The following EXT2 variants were observed in gnomAD, a reference collection of about 807,000 sequenced individuals.
EXT2 encodes the protein exostosin-2.
EXT2 carries 53 observed loss-of-function variants against 81.6 expected under a neutral mutation model. The ratio of observed to expected loss-of-function variants is 0.65; its 90% CI spans 0.52 to 0.82. The LOEUF (loss-of-function observed/expected upper bound fraction) is 0.82. Among genes scored for constraint, EXT2 ranks in the 40% least tolerant of loss-of-function variants. EXT2 has a pLI of 0.00. For synonymous variants in EXT2, 320 were observed against 340.0 expected, an observed-to-expected ratio of 0.94 and a Z score of 0.65; for missense variants, 774 against 910.2, an observed-to-expected ratio of 0.85 and a Z score of 1.93.
intron 5 of EXT2, 111 bp downstream of exon 5, chr11:44,125,095 A>AG (rs1954381500): frequency 1.0e-6 from 1 of 1,003,526 alleles, no homozygotes; most frequent in Non-Finnish European, 1.5e-6. Flanking sequence ...GAATTACCCA[A>AG]GGGGAAGAAA....
chr11:44,150,149 G>A (rs76259368), intron 7 of EXT2, among the ~76,000 whole-genome samples: 2,653 of 152,236 alleles, frequency 0.017, 80 homozygotes, highest in African/African-American at 0.061. Flanking sequence ...TAGGAGTGGA[G>A]AAAGTTAGAT....
intron 4 of EXT2, among the ~76,000 whole-genome samples, chr11:44,123,972 T>C (rs1954355969): frequency 6.6e-6 from 1 of 150,592 alleles, no homozygotes; most frequent in South Asian, 2.2e-4. Context: ...GGGAATTACT[T>C]CCCATCTGGT....
chr11:44,101,645 T>A (rs953088439), intron 1 of EXT2, among the ~76,000 whole-genome samples: 2 of 152,346 alleles, frequency 1.3e-5, no homozygotes, highest in Admixed American at 6.5e-5. Flanking sequence ...GAATGCCCAG[T>A]GAGGGGACCT....
At chr11:44,164,876 C>CTTT (rs372890914) in intron 7 of EXT2, among the ~76,000 whole-genome samples, 11 of 137,532 alleles carry the variant, frequency 8.0e-5, no homozygotes, top group Non-Finnish European at 1.1e-4. Context: ...CTCATTCACA[C>CTTT]TTTTTTTTTT....
chr11:44,188,247 T>C (rs1156245290), intron 8 of EXT2, among the ~76,000 whole-genome samples: 2 of 152,176 alleles, frequency 1.3e-5, no homozygotes, highest in Non-Finnish European at 2.9e-5. Flanking sequence ...TTTGTAGACC[T>C]TGATGATCTG....
At chr11:44,100,781 A>G (rs924854339) in intron 1 of EXT2, among the ~76,000 whole-genome samples, 3 of 152,198 alleles carry the variant, frequency 2.0e-5, no homozygotes, top group African/African-American at 4.8e-5. Flanking sequence ...AGTCAGGGCA[A>G]TGGTAGCAAG....
At chr11:44,142,069 T>C (rs946315308) in intron 7 of EXT2, among the ~76,000 whole-genome samples, 2 of 152,212 alleles carry the variant, frequency 1.3e-5, no homozygotes, top group African/African-American at 4.8e-5. Flanking sequence ...GTCATTTTGT[T>C]TATTTGCCTG....
chr11:44,212,727 G>T (rs1368782172), intron 10 of EXT2, among the ~76,000 whole-genome samples: 2 of 152,088 alleles, frequency 1.3e-5, no homozygotes, highest in African/African-American at 4.8e-5. Flanking sequence ...TCTATACAGG[G>T]GAGTACTACA....
At chr11:44,206,686 C>T (rs1955586479) in intron 9 of EXT2, 107 bp from the exon 10 acceptor site, 8 of 1,166,446 alleles carry the variant, frequency 6.9e-6, no homozygotes, top group Non-Finnish European at 8.8e-6. Context: ...TGATGAGAGC[C>T]GTGGATACAA....
chr11:44,121,356 T>C (rs562460360), intron 4 of EXT2, among the ~76,000 whole-genome samples: 3 of 152,334 alleles, frequency 2.0e-5, no homozygotes, highest in South Asian at 4.1e-4. Flanking sequence ...TTTATTTCTG[T>C]ATCTGTACAG....
chr11:44,113,289 C>CA (rs35308899), intron 3 of EXT2, among the ~76,000 whole-genome samples: 2 of 151,976 alleles, frequency 1.3e-5, no homozygotes, highest in Non-Finnish European at 2.9e-5. Context: ...ATCAATATTG[C>CA]AAAAAATGTG....
rs182628944 is a variant in EXT2, at chr11:44,196,118, G to A, written c.1306-1711G>A. Among the ~76,000 whole-genome samples the A allele has an allele frequency of 2.1e-3, 322 of 152,238 alleles. 3 individuals carry two copies. Among genetic ancestry groups the A allele is most frequent in the African/African-American group, 7.3e-3 (304 of 41,544 alleles). On this transcript the variant is annotated intron_variant, in intron 8 of 13. Transcript: ENST00000533608. ...TACTTAATATTTTAATGGTAGCAAA[G>A]AGATTGACTTTCTTTCATCACTTTT...
intron 8 of EXT2, among the ~76,000 whole-genome samples, chr11:44,174,186 G>A (rs1955122665): frequency 6.6e-6 from 1 of 152,142 alleles, no homozygotes; most frequent in Non-Finnish European, 1.5e-5. Context: ...AGTTTTCTCA[G>A]ATAATTCTAT....
Position 44,167,538 on chromosome 11 carries a change from A to T in EXT2, c.1174-4073A>T, listed in dbSNP as rs1372115156. Among the ~76,000 whole-genome samples the T allele has an allele frequency of 2.0e-5, 3 of 152,312 alleles. No homozygotes were observed. In the South Asian group the frequency reaches 6.2e-4, roughly 32 times the overall value. ...GGGCTCTGACAGGACCTCTGACAGG[A>T]TTAAAGTGGCCTGACTGTACTCTTA... On this transcript the variant is annotated intron_variant, in intron 7 of 13. Transcript: ENST00000533608.
chr11:44,171,477 T>C (rs1199124947), intron 7 of EXT2, 134 bp from the exon 8 acceptor site: 2 of 1,313,566 alleles, frequency 1.5e-6, no homozygotes, highest in Non-Finnish European at 2.2e-6. Flanking sequence ...AGGGAGCATA[T>C]GCCCTAGGCA....
At chr11:44,228,594 A>G (rs1955863880) in intron 10 of EXT2, among the ~76,000 whole-genome samples, 3 of 152,198 alleles carry the variant, frequency 2.0e-5, no homozygotes, top group Admixed American at 2.0e-4. Flanking sequence ...CAAGGATGGT[A>G]TCTTGATTGT....
At position 44,249,790 on chromosome 11, in the gene EXT2, G is replaced by C. The variant is rs1313339666; in HGVS notation, c.*5503G>C. 2.6e-5 allele frequency among the ~76,000 whole-genome samples: 4 copies of C among 152,152 alleles called. No individual in the cohort carries two copies. Among genetic ancestry groups the C allele is most frequent in the Non-Finnish European group, 4.4e-5 (3 of 68,032 alleles). On this transcript the variant is annotated 3_prime_UTR_variant, in exon 14 of 14. Transcript: ENST00000533608. ...TTTTCTCATGAAAATGTAGTCTTTG[G>C]CTGGGCATGGTGGCTCATGCCTGTA...
intron 10 of EXT2, among the ~76,000 whole-genome samples, chr11:44,215,891 A>G (rs890384723): frequency 3.1e-5 from 4 of 129,926 alleles, no homozygotes; most frequent in African/African-American, 8.9e-5. Flanking sequence ...TTTTTTTGAG[A>G]CGGAGTCTCG....
intron 11 of EXT2, among the ~76,000 whole-genome samples, chr11:44,233,295 C>A (rs957201500): frequency 6.6e-6 from 1 of 152,092 alleles, no homozygotes; most frequent in Non-Finnish European, 1.5e-5. Context: ...CCTTTTCTTG[C>A]ATGAAATATG....
Sources: allele counts gnomAD v4.1 joint callset (sites outside exome capture counted in the v4.1 genomes callset), GRCh38; gene constraint gnomAD v4.1.1; transcripts MANE v1.5; gene names NCBI Gene and HGNC (gene_info 2026-07-23, HGNC 2026-07-21).